The following MAK variants were observed in gnomAD, a reference collection of about 807,000 sequenced individuals.
MAK encodes male germ cell associated kinase, also known as serine/threonine-protein kinase MAK.
In MAK, 65 loss-of-function variants were observed where a neutral mutation model predicts 82.6. The ratio of observed to expected loss-of-function variants is 0.79; its 90% CI spans 0.64 to 0.97. The LOEUF (loss-of-function observed/expected upper bound fraction) is 0.97. MAK is among the 50% of genes least tolerant of loss of function. MAK has a pLI of 0.00. For missense variants in MAK, 703 were observed against 780.2 expected, an observed-to-expected ratio of 0.90 and a Z score of 1.18; for synonymous variants, 250 against 274.2, an observed-to-expected ratio of 0.91 and a Z score of 0.87.
At chr6:10,772,653 A>T (rs922191508) in intron 13 of MAK, among the ~76,000 whole-genome samples, 15 of 152,144 alleles carry the variant, frequency 9.9e-5, no homozygotes, top group African/African-American at 3.4e-4. Flanking sequence ...TAACCTTTTT[A>T]AAAAAGTGGT....
intron 10 of MAK, among the ~76,000 whole-genome samples, chr6:10,787,485 A>G (rs1774674177): frequency 6.6e-6 from 1 of 152,240 alleles, no homozygotes; most frequent in African/African-American, 2.4e-5. Context: ...ATGGTAGTAT[A>G]TTAATAATAA....
At chr6:10,811,883 A>C (rs1409043186) in intron 5 of MAK, among the ~76,000 whole-genome samples, 2 of 152,126 alleles carry the variant, frequency 1.3e-5, no homozygotes, top group African/African-American at 4.8e-5. Flanking sequence ...AGCAGTTAAG[A>C]AAATAAAAAA....
At chr6:10,778,011 T>C (rs1245479523) in intron 11 of MAK, among the ~76,000 whole-genome samples, 4 of 152,320 alleles carry the variant, frequency 2.6e-5, no homozygotes, top group African/African-American at 7.2e-5. Context: ...TATTTATTTG[T>C]TTATAAGTTT....
At chr6:10,833,263 G>A (rs149864459) in intron 1 of MAK, among the ~76,000 whole-genome samples, 116 of 152,296 alleles carry the variant, frequency 7.6e-4, no homozygotes, top group African/African-American at 2.7e-3. Context: ...TTACAGGAAC[G>A]TATCTGTTCA....
rs1191914292 is a variant in MAK, at chr6:10,830,582, T to C, written c.67A>G (p.Ser23Gly). Residue 23 changes from serine (S) to glycine (G), a missense_variant, in exon 2 of 15, where the codon AGT becomes GGT. By Grantham distance (56) the Ser-to-Gly change is moderately conservative. Coordinates refer to ENST00000354489, the MANE Select transcript of MAK (RefSeq NM_001242957.3). ...GTYGSVLMGK[S>G]NESGELVAIK... Reference sequence around the variant, plus strand: ...GCCACCAGCTCCCCGGATTCATTACTCTTGCCCATAAGCACACTCCCATAC... The same window carrying C: ...GCCACCAGCTCCCCGGATTCATTACCCTTGCCCATAAGCACACTCCCATAC... 1 of 1,614,168 alleles carries C rather than the reference T, an allele frequency of 6.2e-7. No individual in the cohort carries two copies. The highest frequency in any genetic ancestry group is 1.1e-5 in the South Asian group (1 of 91,082).
chr6:10,800,046 TCAAAAA>T lies in MAK; in HGVS notation c.831+1840_831+1845del, dbSNP rs1157340019. 2.2e-4 allele frequency among the ~76,000 whole-genome samples: 32 copies of T among 144,302 alleles called. No homozygotes were observed. The highest frequency in any genetic ancestry group is 6.4e-4 in the African/African-American group (24 of 37,662). 94.7% of individuals were successfully genotyped at this position (144,302 alleles called of 152,430 possible). ...CTGGGCGATGGAGCGAGACTCCGTT[TCAAAAA>T]CAAAAACAAAAACAAAAAAAAACTA... On this transcript the variant is annotated intron_variant, in intron 8 of 14. Coordinates refer to ENST00000354489, the MANE Select transcript of MAK (RefSeq NM_001242957.3). The surrounding 1 kb of genome is among the most constrained non-coding windows in gnomAD (Gnocchi z 4.2).
intron 2 of MAK, among the ~76,000 whole-genome samples, chr6:10,822,403 G>A (rs577080007): frequency 3.0e-4 from 46 of 151,394 alleles, no homozygotes; most frequent in Middle Eastern, 3.4e-3. Context: ...GCAGTGAGCC[G>A]AGATCGCGCC....
chr6:10,777,319 C>T (rs772643487), intron 11 of MAK, among the ~76,000 whole-genome samples: 20 of 150,892 alleles, frequency 1.3e-4, no homozygotes, highest in Non-Finnish European at 2.7e-4. Flanking sequence ...GGCTGAGGCA[C>T]GAGAATCACT....
At chr6:10,829,555 G>C (rs1203857923) in intron 2 of MAK, among the ~76,000 whole-genome samples, 1 of 152,052 alleles carries the variant, frequency 6.6e-6, no homozygotes, top group Non-Finnish European at 1.5e-5. Context: ...AACAGAGTGA[G>C]ACCCCCATCT....
intron 2 of MAK, chr6:10,827,906 C>A (rs1003942885): frequency 6.6e-6 from 1 of 152,228 alleles, no homozygotes; most frequent in Non-Finnish European, 1.5e-5. Flanking sequence ...GTCTCAAACT[C>A]CTGGGATCAA....
intron 2 of MAK, among the ~76,000 whole-genome samples, chr6:10,825,756 T>G (rs555581504): frequency 6.6e-6 from 1 of 152,206 alleles, no homozygotes; most frequent in Non-Finnish European, 1.5e-5. Flanking sequence ...TCCACCCTCA[T>G]GCCCAGTCAC....
chr6:10,821,384 T>C (rs1029480918), intron 2 of MAK, among the ~76,000 whole-genome samples: 9 of 152,196 alleles, frequency 5.9e-5, no homozygotes, highest in Non-Finnish European at 1.2e-4. Flanking sequence ...CAAGCGATTC[T>C]CCTACCTCAG....
chr6:10,797,921 C>A, intron 8 of MAK: 2 of 1,259,536 alleles, frequency 1.6e-6, no homozygotes, highest in South Asian at 1.3e-5. Context: ...TACTTGCATT[C>A]TCAGTGGAAT....
At chr6:10,811,294 C>T (rs1004424899) in intron 5 of MAK, among the ~76,000 whole-genome samples, 2 of 152,244 alleles carry the variant, frequency 1.3e-5, no homozygotes, top group Admixed American at 6.5e-5. Context: ...CCACCACGCC[C>T]GGCCAAACAA....
Position 10,773,078 on chromosome 6 carries a change from A to T in MAK, c.1628T>A (p.Leu543Gln). 4 of 1,530,078 alleles carry T rather than the reference A, an allele frequency of 2.6e-6. No homozygotes were observed. The highest frequency in any genetic ancestry group is 3.5e-6 in the Non-Finnish European group (4 of 1,142,142). 94.8% of individuals were successfully genotyped at this position (1,530,078 alleles called of 1,614,324 possible). A position where few individuals can be genotyped will look rare whatever the true frequency, so the allele number is the denominator to read the frequency against. The change falls in exon 13 of 15, where the codon CTA (leucine) becomes CAA (glutamine). Residue 543 changes from leucine to glutamine, a missense_variant. By Grantham distance (113) the Leu-to-Gln change is moderately radical (BLOSUM62 -2). Coordinates refer to ENST00000354489, the MANE Select transcript of MAK (RefSeq NM_001242957.3). The part of the protein sequence containing the change: ...EESIIKPIEK[L>Q]SCNETFPEKL... Reference sequence around the variant, plus strand: ...TTCAGGAAAAGTTTCATTGCATGATAGTTTTTCGATTGGTTTAATTATGCT... The same window carrying T: ...TTCAGGAAAAGTTTCATTGCATGATTGTTTTTCGATTGGTTTAATTATGCT...
chr6:10,825,930 C>CCTTCTAA (rs1235783082), intron 2 of MAK, among the ~76,000 whole-genome samples: 3 of 152,316 alleles, frequency 2.0e-5, no homozygotes, highest in South Asian at 4.1e-4. Flanking sequence ...TAACTGGCCA[C>CCTTCTAA]CTGGTGTCCA....
intron 11 of MAK, among the ~76,000 whole-genome samples, chr6:10,777,794 A>C (rs1029714543): frequency 3.9e-5 from 6 of 151,918 alleles, no homozygotes; most frequent in Admixed American, 3.9e-4. Context: ...ATGCGCCATC[A>C]CGCCCGGCTA....
At chr6:10,822,134 G>A (rs9467643) in intron 2 of MAK, among the ~76,000 whole-genome samples, 3,401 of 115,920 alleles carry the variant, frequency 0.029, 130 homozygotes, top group African/African-American at 0.11. Flanking sequence ...GCAACAGAGC[G>A]AGACTCCGTC....
intron 2 of MAK, among the ~76,000 whole-genome samples, chr6:10,825,329 C>T (rs1440299590): frequency 6.6e-6 from 1 of 152,164 alleles, no homozygotes; most frequent in Non-Finnish European, 1.5e-5. Context: ...CGTGCTTCTG[C>T]TTCTTTAGAT....
Sources: gnomAD v4.1 joint callset for allele counts (sites outside exome capture counted in the v4.1 genomes callset) on GRCh38, gnomAD v4.1.1 for gene constraint, Gnocchi (gnomAD v3.1) non-coding constraint, MANE v1.5 for transcripts, NCBI Gene and HGNC (gene_info 2026-07-23, HGNC 2026-07-21) for gene names.